Variants in HERC2 observed in about 807,000 individuals in gnomAD.
HERC2 encodes E3 ubiquitin-protein ligase HERC2.
A neutral mutation model predicts 537.7 loss-of-function variants in HERC2; 102 were observed. That is an observed-to-expected ratio of 0.19 (90% confidence interval 0.16 to 0.22). The LOEUF (loss-of-function observed/expected upper bound fraction) is 0.22. Among genes scored for constraint, HERC2 ranks in the 10% least tolerant of loss-of-function variants. The pLI is 1.00. For missense variants in HERC2, 4,236 were observed against 6,198.2 expected, an observed-to-expected ratio of 0.68 and a Z score of 10.63; for synonymous variants, 2,224 against 2,466.2, an observed-to-expected ratio of 0.90 and a Z score of 2.91.
chr15:28,195,117 T>C (rs1897231894), intron 52 of HERC2, among the ~76,000 whole-genome samples: 1 of 151,994 alleles, frequency 6.6e-6, no homozygotes, highest in Non-Finnish European at 1.5e-5. Flanking sequence ...TAAATGATCT[T>C]AAAGAGAACT....
Position 28,220,515 on chromosome 15 carries a change from G to T in HERC2, c.5782C>A (p.Leu1928Met). ...TGTGCAGCAGCCGGCAGCTCTGCCA[G>T]CTTGAGGTCGTATTTTCCTTCTTTC... ...MGKEGKYDLK[L>M]AELPAAAQPS... The change falls in exon 37 of 93, where the codon CTG becomes ATG. Residue 1928 changes from leucine (L) to methionine (M), a missense_variant. Around this residue, in one of 27 missense-constraint regions of HERC2, gnomAD observed 365 missense variants for 468.8 expected, o/e 0.78. Transcript: ENST00000261609. 1 of 1,602,748 alleles carries T rather than the reference G, an allele frequency of 6.2e-7. No individual in the cohort carries two copies.
intron 18 of HERC2, 41 bp downstream of exon 18, chr15:28,256,048 A>G: frequency 6.2e-7 from 1 of 1,604,182 alleles, no homozygotes; most frequent in Non-Finnish European, 8.5e-7. Context: ...CCCTCCCAAC[A>G]CCCTGACCCA....
At chr15:28,114,122 C>G (rs1300878548) in intron 90 of HERC2, among the ~76,000 whole-genome samples, 2 of 152,238 alleles carry the variant, frequency 1.3e-5, no homozygotes, top group African/African-American at 4.8e-5. Context: ...GGGCCTCACC[C>G]AGACACTCTC....
chr15:28,278,099 A>T (rs984068902), intron 5 of HERC2, among the ~76,000 whole-genome samples: 5 of 146,984 alleles, frequency 3.4e-5, no homozygotes, highest in African/African-American at 9.9e-5. Context: ...ATACAAATTA[A>T]AAAAAAAAAA....
intron 86 of HERC2, 32 bp from the exon 87 acceptor site, chr15:28,117,186 C>A (rs771424146): frequency 1.2e-6 from 2 of 1,610,768 alleles, no homozygotes; most frequent in South Asian, 2.2e-5. Flanking sequence ...AGCGTGAGGC[C>A]GCTGCCGCAG....
chr15:28,277,938 C>T (rs541915104), intron 5 of HERC2, among the ~76,000 whole-genome samples: 1 of 152,028 alleles, frequency 6.6e-6, no homozygotes, highest in Non-Finnish European at 1.5e-5. Flanking sequence ...TTGCATATAA[C>T]CTGTGCACAT....
At chr15:28,283,441 T>A (rs914510658) in intron 4 of HERC2, among the ~76,000 whole-genome samples, 7 of 152,118 alleles carry the variant, frequency 4.6e-5, no homozygotes, top group African/African-American at 1.7e-4. Context: ...AACCCAGAAT[T>A]CTTATATCCA....
At chr15:28,175,684 A>C in intron 63 of HERC2, 28 bp from the exon 64 acceptor site, 2 of 1,613,314 alleles carry the variant, frequency 1.2e-6, no homozygotes, top group South Asian at 2.2e-5. Flanking sequence ...GTGGAGAGTT[A>C]CAATACGGTT....
intron 65 of HERC2, among the ~76,000 whole-genome samples, chr15:28,174,148 CAG>C (rs1894995473): frequency 6.6e-6 from 1 of 152,148 alleles, no homozygotes; most frequent in African/African-American, 2.4e-5. Flanking sequence ...CCTGTTCACA[CAG>C]AAGGACAGCG....
intron 52 of HERC2, among the ~76,000 whole-genome samples, chr15:28,195,710 C>T (rs1392513479): frequency 6.6e-6 from 1 of 151,978 alleles, no homozygotes; most frequent in Non-Finnish European, 1.5e-5. Context: ...TTAATGGGTA[C>T]AGAGTTTCTG....
At chr15:28,292,837 A>T in intron 4 of HERC2, 51 bp downstream of exon 4, 1 of 1,567,440 alleles carries the variant, frequency 6.4e-7, no homozygotes, top group Non-Finnish European at 8.6e-7. Flanking sequence ...AGTTATTTAG[A>T]AAGGGAGCGT....
intron 22 of HERC2, 53 bp downstream of exon 22, chr15:28,246,689 C>A: frequency 7.8e-7 from 1 of 1,287,992 alleles, no homozygotes; most frequent in Non-Finnish European, 1.1e-6. Context: ...GACACTTTAG[C>A]TTTCATCTAT....
intron 9 of HERC2, 139 bp downstream of exon 9, chr15:28,272,076 C>T: frequency 6.8e-6 from 5 of 735,432 alleles, no homozygotes; most frequent in Non-Finnish European, 1.1e-5. Context: ...CCACACCTGT[C>T]TCATCTGACT....
chr15:28,279,823 A>G (rs1174050654), intron 5 of HERC2, among the ~76,000 whole-genome samples: 1 of 152,094 alleles, frequency 6.6e-6, no homozygotes, highest in Non-Finnish European at 1.5e-5. Flanking sequence ...TCCAAAAAAA[A>G]GAAAAGAAAA....
chr15:28,273,472 TTACTCAATAATAAATTTTC>T (rs1199011140), intron 7 of HERC2, among the ~76,000 whole-genome samples: 2 of 152,244 alleles, frequency 1.3e-5, no homozygotes, highest in East Asian at 3.8e-4. Flanking sequence ...CTTTTCTATG[TTACTCAATAATAAATTTTC>T]TAAAATTCTA....
chr15:28,246,598 T>TAAAA, intron 22 of HERC2, 144 bp downstream of exon 22: 1 of 488,344 alleles, frequency 2.0e-6, no homozygotes. Flanking sequence ...TGTCAGTAAC[T>TAAAA]AAAAAAAAAA....
At chr15:28,284,199 T>C (rs774226621) in intron 4 of HERC2, among the ~76,000 whole-genome samples, 13 of 152,042 alleles carry the variant, frequency 8.6e-5, no homozygotes, top group Non-Finnish European at 1.9e-4. Flanking sequence ...AGATGCTCAA[T>C]CTGTATGTAA....
At chr15:28,263,653 T>C (rs185803651) in intron 14 of HERC2, among the ~76,000 whole-genome samples, 2 of 152,256 alleles carry the variant, frequency 1.3e-5, no homozygotes, top group South Asian at 2.1e-4. Flanking sequence ...AGGGATAAAA[T>C]GCAATTGCAA....
intron 37 of HERC2, among the ~76,000 whole-genome samples, chr15:28,220,204 G>A (rs1900374957): frequency 6.6e-6 from 1 of 152,214 alleles, no homozygotes; most frequent in African/African-American, 2.4e-5. Flanking sequence ...CTCAAAGAGG[G>A]GCGGGTGCAC....
Sources: gnomAD v4.1 joint callset for allele counts (sites outside exome capture counted in the v4.1 genomes callset) on GRCh38, gnomAD v4.1.1 for gene constraint, gnomAD v4.1.1 regional missense constraint, MANE v1.5 for transcripts, NCBI Gene and HGNC (gene_info 2026-07-23, HGNC 2026-07-21) for gene names.